The following HNMT variants were observed in gnomAD, a reference collection of about 807,000 sequenced individuals.
HNMT encodes histamine N-methyltransferase.
HNMT carries 30 observed loss-of-function variants against 32.1 expected under a neutral mutation model. The ratio of observed to expected loss-of-function variants is 0.93; its 90% CI spans 0.70 to 1.27. The LOEUF (loss-of-function observed/expected upper bound fraction) is 1.27, where lower values mean the gene tolerates loss of function less well. Ranked by LOEUF, HNMT falls within the 50% of genes most tolerant of loss-of-function variation. The pLI, the probability that HNMT is intolerant of heterozygous loss-of-function variation, is 0.00. For synonymous variants in HNMT, 125 were observed against 119.0 expected (o/e 1.05, Z -0.33); for missense variants, 327 against 346.0 (o/e 0.95, Z 0.43).
chr2:137,994,410 C>A (rs1680920044), intron 2 of HNMT, among the ~76,000 whole-genome samples: 2 of 151,938 alleles, frequency 1.3e-5, no homozygotes, highest in South Asian at 4.1e-4. Flanking sequence ...TTTAAACCAA[C>A]AAAGATCAAA....
intron 2 of HNMT, among the ~76,000 whole-genome samples, chr2:137,985,791 A>G (rs1324361307): frequency 6.6e-6 from 1 of 152,178 alleles, no homozygotes; most frequent in African/African-American, 2.4e-5. Context: ...TTACTATAAT[A>G]CAGCAATGCC....
chr2:138,000,320 C>T lies in HNMT; in HGVS notation c.191-598C>T, dbSNP rs73961919. Among the ~76,000 whole-genome samples, 1,515 of 152,182 alleles carry T rather than the reference C, an allele frequency of 1.0e-2. 30 individuals are homozygous for T. Among genetic ancestry groups the T allele is most frequent in the African/African-American group, 0.035 (1,462 of 41,524 alleles). ...ATCTCTCGTCCTCTCCCCATATGTT[C>T]TCTTCCCTCTTCCTACCTTGATTCA... On this transcript the variant is annotated intron_variant, in intron 2 of 5. Transcript: ENST00000280097.
intron 5 of HNMT, among the ~76,000 whole-genome samples, chr2:138,008,648 C>T (rs1474872239): frequency 6.6e-6 from 1 of 151,952 alleles, no homozygotes; most frequent in Non-Finnish European, 1.5e-5. Context: ...TGATCTTTGA[C>T]AAAGCTGACA....
intron 2 of HNMT, among the ~76,000 whole-genome samples, chr2:137,977,184 C>T (rs1346410416): frequency 6.6e-6 from 1 of 152,044 alleles, no homozygotes; most frequent in Admixed American, 6.5e-5. Flanking sequence ...TTGTTGTTAA[C>T]GTTTGAGTGT....
intron 2 of HNMT, among the ~76,000 whole-genome samples, chr2:137,978,519 T>C (rs944938432): frequency 1.2e-4 from 14 of 115,228 alleles, no homozygotes; most frequent in African/African-American, 3.3e-4. Flanking sequence ...TTATATAATA[T>C]AGTATTATAC....
chr2:138,007,161 C>T (rs1300511030), intron 5 of HNMT, among the ~76,000 whole-genome samples: 2 of 151,938 alleles, frequency 1.3e-5, no homozygotes, highest in Non-Finnish European at 2.9e-5. Context: ...AAGAGATTTA[C>T]ACAGCTATAG....
At chr2:137,972,536 C>CAA (rs1680169121) in intron 2 of HNMT, among the ~76,000 whole-genome samples, 1 of 151,948 alleles carries the variant, frequency 6.6e-6, no homozygotes, top group Non-Finnish European at 1.5e-5. Flanking sequence ...TAGAAACCAA[C>CAA]AAAGACAGAC....
intron 2 of HNMT, among the ~76,000 whole-genome samples, chr2:137,971,216 C>T (rs1048278504): frequency 4.6e-5 from 7 of 151,670 alleles, no homozygotes; most frequent in African/African-American, 1.2e-4. Context: ...CTCACTCTGT[C>T]GCCCAGGCTG....
intron 5 of HNMT, among the ~76,000 whole-genome samples, chr2:138,009,575 C>T (rs2104987559): frequency 6.6e-6 from 1 of 152,122 alleles, no homozygotes; most frequent in Admixed American, 6.6e-5. Flanking sequence ...GTTGTATTAA[C>T]ATACCCAATA....
At chr2:137,989,224 C>T (rs528409505) in intron 2 of HNMT, among the ~76,000 whole-genome samples, 1 of 152,154 alleles carries the variant, frequency 6.6e-6, no homozygotes, top group Non-Finnish European at 1.5e-5. Flanking sequence ...CATCTATGCT[C>T]CACCCCTTCA....
intron 2 of HNMT, among the ~76,000 whole-genome samples, chr2:137,978,875 T>C (rs1003347990): frequency 2.9e-5 from 4 of 139,758 alleles, no homozygotes; most frequent in African/African-American, 5.1e-5. Context: ...ATAATAGTCT[T>C]ATATAATAAA....
chr2:138,009,834 A>G (rs1457406709), intron 5 of HNMT, among the ~76,000 whole-genome samples: 1 of 152,090 alleles, frequency 6.6e-6, no homozygotes, highest in Non-Finnish European at 1.5e-5. Context: ...TGTTCCATCT[A>G]CATCCCTCCT....
intron 2 of HNMT, among the ~76,000 whole-genome samples, chr2:137,970,933 A>AAAAAAGAAAG (rs1424481237): frequency 4.6e-5 from 4 of 86,686 alleles, no homozygotes; most frequent in African/African-American, 1.8e-4. Context: ...AAAAAAAAAA[A>AAAAAAGAAAG]AAAGAAAGAA....
intron 2 of HNMT, among the ~76,000 whole-genome samples, chr2:137,981,852 A>C (rs555351550): frequency 4.7e-4 from 72 of 152,084 alleles, no homozygotes; most frequent in African/African-American, 1.2e-3. Context: ...GCTTCTTCTT[A>C]TTATTATTAT....
At chr2:137,965,679 T>G (rs997893943) in intron 1 of HNMT, among the ~76,000 whole-genome samples, 1 of 152,220 alleles carries the variant, frequency 6.6e-6, no homozygotes, top group Non-Finnish European at 1.5e-5. Context: ...TATAGAGAAC[T>G]TCTTACCTAG....
intron 2 of HNMT, chr2:137,981,558 G>A (rs967805406): frequency 3.4e-6 from 2 of 582,286 alleles, no homozygotes; most frequent in Non-Finnish European, 6.2e-6. Flanking sequence ...TTTATTCACT[G>A]CTACGTCTCC....
chr2:138,002,205 T>C lies in HNMT; in HGVS notation c.429+11T>C. ...ATTCATATGATTCAAGTAAGAAATA[T>C]GTATTATAATATATACTCAGAAAGA... is the stretch of plus-strand genomic sequence containing the variant. On this transcript the variant is annotated intron_variant, in intron 4 of 5. Coordinates refer to ENST00000280097, the MANE Select transcript of HNMT (RefSeq NM_006895.3). 2.0e-6 allele frequency: 3 copies of C among 1,490,148 alleles called. No homozygotes were observed. The highest frequency in any genetic ancestry group is 1.8e-6 in the Non-Finnish European group (2 of 1,089,276). The allele number at this position is 1,490,148 out of a possible 1,614,324, so 92.3% of individuals were successfully genotyped here. A position where few individuals can be genotyped will look rare whatever the true frequency, so the allele number is the denominator to read the frequency against.
At chr2:137,978,284 T>A (rs1305372747) in intron 2 of HNMT, among the ~76,000 whole-genome samples, 2 of 148,498 alleles carry the variant, frequency 1.3e-5, no homozygotes, top group Non-Finnish European at 3.0e-5. Flanking sequence ...ATATTAACTA[T>A]ACTACAGTTA....
chr2:137,965,611 T>C (rs1395215453), intron 1 of HNMT, among the ~76,000 whole-genome samples: 1 of 152,128 alleles, frequency 6.6e-6, no homozygotes, highest in African/African-American at 2.4e-5. Flanking sequence ...TAGGATATTA[T>C]ATATTAAAAA....
Sources: gnomAD v4.1 joint callset for allele counts (sites outside exome capture counted in the v4.1 genomes callset) on GRCh38, gnomAD v4.1.1 for gene constraint, MANE v1.5 for transcripts, NCBI Gene and HGNC (gene_info 2026-07-23, HGNC 2026-07-21) for gene names.